IQGAP2: variants seen among roughly 807,000 people sequenced by gnomAD.
The protein encoded by IQGAP2 is IQ motif containing GTPase activating protein 2.
In IQGAP2, 173 loss-of-function variants were observed where a neutral mutation model predicts 201.3. That is an observed-to-expected ratio of 0.86 (90% confidence interval 0.76 to 0.98). IQGAP2 has a LOEUF of 0.98. IQGAP2 is among the 50% of genes least tolerant of loss of function. IQGAP2 has a pLI of 0.00. For synonymous variants in IQGAP2, 675 were observed against 673.9 expected, an observed-to-expected ratio of 1.00 and a Z score of -0.03; for missense variants, 1,687 against 1,864.8, an observed-to-expected ratio of 0.90 and a Z score of 1.76.
chr5:76,620,984 A>G (rs566098130), intron 13 of IQGAP2, among the ~76,000 whole-genome samples: 2 of 152,332 alleles, frequency 1.3e-5, no homozygotes, highest in South Asian at 4.1e-4. Context: ...TTTCACATGT[A>G]TAGAAAATAG....
chr5:76,464,430 A>G (rs1754662664), intron 2 of IQGAP2, among the ~76,000 whole-genome samples: 2 of 152,226 alleles, frequency 1.3e-5, no homozygotes, highest in South Asian at 4.1e-4. Context: ...GAGTTGACTT[A>G]GAATATTGAG....
intron 13 of IQGAP2, among the ~76,000 whole-genome samples, chr5:76,614,234 C>T (rs1237331205): frequency 6.6e-6 from 1 of 152,086 alleles, no homozygotes; most frequent in Non-Finnish European, 1.5e-5. Flanking sequence ...TGAAAGAAGC[C>T]CCTGAGTGCC....
At chr5:76,418,206 C>CAAAA (rs11329998) in intron 1 of IQGAP2, among the ~76,000 whole-genome samples, 5 of 85,774 alleles carry the variant, frequency 5.8e-5, no homozygotes, top group African/African-American at 9.7e-5. Context: ...GACTCCGTCT[C>CAAAA]AAAAAAAAAA....
intron 20 of IQGAP2, among the ~76,000 whole-genome samples, chr5:76,657,806 CAG>C (rs2150444225): frequency 6.6e-6 from 1 of 152,298 alleles, no homozygotes; most frequent in African/African-American, 2.4e-5. Flanking sequence ...CTCTCAATAA[CAG>C]GGGCTGACCC....
chr5:76,476,893 A>C (rs1755468018), intron 2 of IQGAP2, among the ~76,000 whole-genome samples: 1 of 152,214 alleles, frequency 6.6e-6, no homozygotes, highest in Non-Finnish European at 1.5e-5. Flanking sequence ...TGATATGTGT[A>C]ATAAGTGGGC....
At chr5:76,659,017 T>C (rs996595276) in intron 21 of IQGAP2, among the ~76,000 whole-genome samples, 1 of 152,244 alleles carries the variant, frequency 6.6e-6, no homozygotes, top group Non-Finnish European at 1.5e-5. Context: ...ATAGGACTTA[T>C]GTCTTATATG....
At chr5:76,509,826 C>A (rs1401018578) in intron 2 of IQGAP2, among the ~76,000 whole-genome samples, 5 of 152,164 alleles carry the variant, frequency 3.3e-5, no homozygotes, top group Non-Finnish European at 2.9e-5. Flanking sequence ...CCTCCTGGAC[C>A]TAAGGGTGTA....
chr5:76,488,978 GGTA>G (rs1756348697), intron 2 of IQGAP2, among the ~76,000 whole-genome samples: 1 of 152,162 alleles, frequency 6.6e-6, no homozygotes, highest in African/African-American at 2.4e-5. Flanking sequence ...CCTCCCTTCA[GGTA>G]GGAGGTTCAG....
intron 17 of IQGAP2, among the ~76,000 whole-genome samples, chr5:76,644,259 C>G (rs1751825395): frequency 6.9e-6 from 1 of 144,846 alleles, no homozygotes; most frequent in South Asian, 2.2e-4. Context: ...AGTTCCCATA[C>G]CAGGCAGGAG....
At chr5:76,557,370 A>G (rs1268638449) in intron 2 of IQGAP2, among the ~76,000 whole-genome samples, 1 of 152,224 alleles carries the variant, frequency 6.6e-6, no homozygotes, top group Non-Finnish European at 1.5e-5. Context: ...GGTCATCATG[A>G]GAAGATTCCA....
intron 22 of IQGAP2, among the ~76,000 whole-genome samples, chr5:76,666,065 A>G (rs557716083): frequency 2.8e-4 from 43 of 152,378 alleles, no homozygotes; most frequent in African/African-American, 1.0e-3. Context: ...AGAGCACATT[A>G]CACAAACCAT....
In IQGAP2 at chr5:76,597,485, C is replaced by A. The variant is rs1205950494; in HGVS notation, c.954C>A (p.Asp318Glu). ...TCAATGCTGTCATTCCGGAAGGTGACCCCGAGAATACGCTGCTTGCACTGA... is the reference window on the plus strand; with the variant it reads ...TCAATGCTGTCATTCCGGAAGGTGAACCCGAGAATACGCTGCTTGCACTGA... ...DHINAVIPEG[D>E]PENTLLALKK... is the part of the protein sequence containing the mutation. Residue 318 changes from aspartate to glutamate, a missense_variant, in exon 10 of 36, where the codon GAC becomes GAA. Coordinates refer to ENST00000274364, the MANE Select transcript of IQGAP2 (RefSeq NM_006633.5). The A allele has an allele frequency of 1.2e-6, 2 of 1,614,036 alleles. No individual in the cohort carries two copies. The highest frequency in any genetic ancestry group is 3.3e-5 in the Admixed American group (2 of 59,996).
chr5:76,449,136 C>A (rs1056042451), intron 1 of IQGAP2, among the ~76,000 whole-genome samples: 1 of 152,192 alleles, frequency 6.6e-6, no homozygotes, highest in African/African-American at 2.4e-5. Context: ...GTCCATAAAA[C>A]AGAGACTTTG....
Position 76,597,382 on chromosome 5 carries a change from G to A in IQGAP2, c.908-57G>A, listed in dbSNP as rs1747106898. 15 of 1,572,220 alleles carry A rather than the reference G, an allele frequency of 9.5e-6. No homozygotes were observed. The Admixed American group carries it at 2.4e-4, about 26-fold the overall frequency. ...ATCCTTGGGAAGAAGGGCTGGTTGG[G>A]TGAGACTGCAGTGGAAAGAGCAACC... On this transcript the variant is annotated intron_variant, in intron 9 of 35. Coordinates refer to ENST00000274364, the MANE Select transcript of IQGAP2 (RefSeq NM_006633.5).
At chr5:76,475,408 T>TG (rs942673783) in intron 2 of IQGAP2, among the ~76,000 whole-genome samples, 1 of 152,210 alleles carries the variant, frequency 6.6e-6, no homozygotes, top group Non-Finnish European at 1.5e-5. Context: ...TCATAGGTGT[T>TG]GGGGCTCAGA....
intron 17 of IQGAP2, among the ~76,000 whole-genome samples, chr5:76,642,371 C>T (rs1431215640): frequency 6.6e-6 from 1 of 152,024 alleles, no homozygotes; most frequent in Non-Finnish European, 1.5e-5. Flanking sequence ...AGGACAGGAA[C>T]GATCATTTGG....
intron 1 of IQGAP2, among the ~76,000 whole-genome samples, chr5:76,438,592 AC>A (rs1015318411): frequency 1.3e-5 from 2 of 152,090 alleles, no homozygotes; most frequent in African/African-American, 4.8e-5. Context: ...ATAGGCGTGC[AC>A]CACCATACCC....
At chr5:76,537,455 A>G (rs1759688621) in intron 2 of IQGAP2, among the ~76,000 whole-genome samples, 1 of 152,036 alleles carries the variant, frequency 6.6e-6, no homozygotes. Flanking sequence ...CAGCTTGGCA[A>G]GTTTGAGTTC....
At chr5:76,679,049 T>C (rs1745068029) in intron 28 of IQGAP2, among the ~76,000 whole-genome samples, 1 of 152,208 alleles carries the variant, frequency 6.6e-6, no homozygotes, top group South Asian at 2.1e-4. Context: ...ACAGAAATAA[T>C]TATCTACTGG....
Sources: allele counts gnomAD v4.1 joint callset (sites outside exome capture counted in the v4.1 genomes callset), GRCh38; gene constraint gnomAD v4.1.1; transcripts MANE v1.5; gene names NCBI Gene and HGNC (gene_info 2026-07-23, HGNC 2026-07-21).